Variants in ABCC6 observed in about 807,000 individuals in gnomAD.
ABCC6 encodes ATP-binding cassette sub-family C member 6.
A neutral mutation model predicts 169.5 loss-of-function variants in ABCC6; 126 were observed. That is an observed-to-expected ratio of 0.74 (90% CI 0.64 to 0.86). ABCC6 has a LOEUF of 0.86. ABCC6 is among the 40% of genes least tolerant of loss of function. The pLI, the probability that ABCC6 is intolerant of heterozygous loss-of-function variation, is 0.00. For synonymous variants in ABCC6, 752 were observed against 814.7 expected (o/e 0.92, Z 1.31); for missense variants, 1,733 against 1,927.2 (o/e 0.90, Z 1.89).
intron 17 of ABCC6, among the ~76,000 whole-genome samples, chr16:16,179,294 A>G (rs1163248790): frequency 6.6e-6 from 1 of 151,866 alleles, no homozygotes; most frequent in African/African-American, 2.4e-5. Flanking sequence ...ACCACCATCC[A>G]TTTCCCTATT....
intron 14 of ABCC6, 122 bp from the exon 15 acceptor site, chr16:16,185,156 C>G: frequency 2.2e-6 from 2 of 914,528 alleles, no homozygotes; most frequent in Non-Finnish European, 3.5e-6. Flanking sequence ...AGAAATCTCT[C>G]CCACTGAACA....
chr16:16,177,463 C>T lies in ABCC6; in HGVS notation c.2579G>A (p.Arg860Lys). Residue 860 changes from arginine (R) to lysine (K), a missense_variant, in exon 19 of 31, where the codon AGA (arginine) becomes AAA (lysine). Physicochemically the swap from Arg to Lys is conservative, Grantham distance 26. Transcript: ENST00000205557. ...AGCCCACCTAGTACCTCCTTCTCCTCTATCTCCTGGCTGTCTGGCTTGATC... is the reference window on the plus strand; with the variant it reads ...AGCCCACCTAGTACCTCCTTCTCCTTTATCTCCTGGCTGTCTGGCTTGATC... ...LLDQARQPGD[R>K]GEGETEPGTS... 1 of 1,614,172 alleles carries T rather than the reference C, an allele frequency of 6.2e-7. No individual in the cohort carries two copies. Among genetic ancestry groups the T allele is most frequent in the African/African-American group, 1.3e-5 (1 of 75,054 alleles).
chr16:16,165,976 T>A (rs1417319549), intron 22 of ABCC6, 43 bp from the exon 23 acceptor site: 1 of 1,598,864 alleles, frequency 6.3e-7, no homozygotes, highest in Non-Finnish European at 8.5e-7. Flanking sequence ...CTGGAGACCC[T>A]CAGGAGCGGC....
intron 12 of ABCC6, 133 bp downstream of exon 12, chr16:16,190,031 G>C (rs1057344219): frequency 3.1e-5 from 29 of 921,128 alleles, no homozygotes; most frequent in Non-Finnish European, 4.6e-5. Context: ...GACCCAGAGA[G>C]AACAGGATCC....
chr16:16,159,682 A>G, intron 25 of ABCC6, 99 bp from the exon 26 acceptor site: 1 of 1,066,682 alleles, frequency 9.4e-7, no homozygotes, highest in South Asian at 1.3e-5. Context: ...GGCCAGACCC[A>G]GGGGAGTAAA....
intron 26 of ABCC6, among the ~76,000 whole-genome samples, chr16:16,159,211 T>C (rs1272732355): frequency 6.6e-6 from 1 of 152,178 alleles, no homozygotes; most frequent in Non-Finnish European, 1.5e-5. Context: ...GCTGTTGCAA[T>C]GCTGTTCCTT....
At chr16:16,171,912 TG>T (rs2047092079) in intron 21 of ABCC6, among the ~76,000 whole-genome samples, 1 of 2,090 alleles carries the variant, frequency 4.8e-4, no homozygotes, top group African/African-American at 1.8e-3. Context: ...AATGAATGGG[TG>T]GGTGGGTGGG....
chr16:16,150,140 A>C lies in ABCC6; in HGVS notation c.4505T>G (p.Leu1502Arg). ...ACGGTTGAGGGTCCTGGCTCAGACC[A>C]GGCCTGACTCCTGGGCCAGTCTGTA... ...LFYRLAQESG[L>R]V The change falls in exon 31 of 31, where the codon CTG (leucine) becomes CGG (arginine). Residue 1502 changes from leucine to arginine, a missense_variant. This residue lies in a region of ABCC6 where 1,601 missense variants were observed against 1,635.5 expected (regional missense o/e 0.98). Transcript: ENST00000205557. The C allele has an allele frequency of 6.2e-7, 1 of 1,612,530 alleles. No individual in the cohort carries two copies. Among genetic ancestry groups the C allele is most frequent in the Middle Eastern group, 2.0e-4 (1 of 5,066 alleles).
At chr16:16,212,796 A>G (rs1316936365) in intron 5 of ABCC6, among the ~76,000 whole-genome samples, 1 of 152,110 alleles carries the variant, frequency 6.6e-6, no homozygotes, top group Non-Finnish European at 1.5e-5. Context: ...TACTGAAACC[A>G]AAACCTTGCT....
intron 23 of ABCC6, among the ~76,000 whole-genome samples, chr16:16,164,687 C>T (rs2046823756): frequency 6.6e-6 from 1 of 152,166 alleles, no homozygotes; most frequent in Non-Finnish European, 1.5e-5. Flanking sequence ...CCAGTGGTTC[C>T]TAAACATTTG....
rs1015823297 is a variant in ABCC6 at position 16,163,832 on chromosome 16, C to T, written c.3307-640G>A. Among the ~76,000 whole-genome samples the T allele has an allele frequency of 3.4e-4, 51 of 152,132 alleles. 1 individual carries two copies. Among genetic ancestry groups the T allele is most frequent in the African/African-American group, 1.1e-3 (44 of 41,426 alleles). On this transcript the variant is annotated intron_variant, in intron 23 of 30. Coordinates refer to ENST00000205557, the MANE Select transcript of ABCC6 (RefSeq NM_001171.6). ...TCATTCATTGCAGAGTGAGCATTCGCGTCATTCATCAGTTAGTGGTGAGAA... is the reference window on the plus strand; with the variant it reads ...TCATTCATTGCAGAGTGAGCATTCGTGTCATTCATCAGTTAGTGGTGAGAA...
At chr16:16,156,620 G>C (rs537206928) in intron 27 of ABCC6, among the ~76,000 whole-genome samples, 1 of 152,232 alleles carries the variant, frequency 6.6e-6, no homozygotes, top group Admixed American at 6.5e-5. Context: ...GTTTTGAGCA[G>C]GGGAATGACA....
intron 27 of ABCC6, chr16:16,155,304 A>G (rs976699441): frequency 7.2e-6 from 4 of 556,054 alleles, no homozygotes; most frequent in African/African-American, 3.9e-5. Flanking sequence ...ATCTTTCCTC[A>G]TCCTTCTATT....
At chr16:16,215,155 T>G (rs1188630995) in intron 4 of ABCC6, among the ~76,000 whole-genome samples, 1 of 152,204 alleles carries the variant, frequency 6.6e-6, no homozygotes, top group Non-Finnish European at 1.5e-5. Context: ...AGATGAGAGC[T>G]GGTTTTATTG....
At chr16:16,190,119 C>A in intron 12 of ABCC6, 45 bp downstream of exon 12, 2 of 1,608,002 alleles carry the variant, frequency 1.2e-6, no homozygotes, top group Non-Finnish European at 1.7e-6. Context: ...CACCCCCGCA[C>A]TCCTTCCCCA....
chr16:16,154,068 G>A (rs1219641004), intron 29 of ABCC6, among the ~76,000 whole-genome samples: 2 of 151,748 alleles, frequency 1.3e-5, no homozygotes, highest in Non-Finnish European at 2.9e-5. Context: ...TCCCACCTCA[G>A]CCTCCCAAGT....
At position 16,187,133 on chromosome 16, in the gene ABCC6, A is replaced by AG. The variant is rs72664218; in HGVS notation, c.1857dup (p.Ser620LeufsTer121). On this transcript the variant is annotated frameshift_variant, in exon 14 of 31. Transcript: ENST00000205557. LOFTEE classifies it high-confidence loss of function. The stretch of plus-strand genomic sequence containing the variant: ...CAGACTCAGCACTCACCGCTTCCAG[A>AG]GGAACTTGAGTCTACGACACCAGGG... 2 of 1,612,976 alleles carry AG rather than the reference A, an allele frequency of 1.2e-6. No homozygotes were observed. The highest frequency in any genetic ancestry group is 8.5e-7 in the Non-Finnish European group (1 of 1,179,288).
At chr16:16,213,236 G>A (rs908132082) in intron 5 of ABCC6, among the ~76,000 whole-genome samples, 1 of 151,982 alleles carries the variant, frequency 6.6e-6, no homozygotes, top group African/African-American at 2.4e-5. Flanking sequence ...TGGGACTACA[G>A]GCATGCACCA....
In ABCC6 at chr16:16,212,979, G is replaced by A. The variant is rs2048691544; in HGVS notation, c.601-733C>T. Among the ~76,000 whole-genome samples, 3 of 151,856 alleles carry A rather than the reference G, an allele frequency of 2.0e-5. No individual in the cohort carries two copies. In the South Asian group the frequency reaches 6.2e-4, roughly 32 times the overall value. The stretch of plus-strand genomic sequence containing the variant: ...GGCGTGAAGGTGCCCATTTCACCAC[G>A]TTTTTGCCATCACAGCTTATTAATT... On this transcript the variant is annotated intron_variant, in intron 5 of 30. Transcript: ENST00000205557.
Sources: gnomAD v4.1 joint callset for allele counts (sites outside exome capture counted in the v4.1 genomes callset) on GRCh38, gnomAD v4.1.1 for gene constraint, gnomAD v4.1.1 regional missense constraint, MANE v1.5 for transcripts, NCBI Gene and HGNC (gene_info 2026-07-23, HGNC 2026-07-21) for gene names.